Variants in ATAD2B observed in about 807,000 individuals in gnomAD.
The protein encoded by ATAD2B is ATPase family AAA domain containing 2B.
A neutral mutation model predicts 167.6 loss-of-function variants in ATAD2B; 40 were observed. The observed-to-expected ratio is 0.24, with a 90% confidence interval of 0.19 to 0.31. ATAD2B has a LOEUF of 0.31. Among genes scored for constraint, ATAD2B ranks in the 10% least tolerant of loss-of-function variants. The pLI is 1.00. For missense variants in ATAD2B, 1,242 were observed against 1,757.2 expected (o/e 0.71, Z 5.24); for synonymous variants, 579 against 596.5 (o/e 0.97, Z 0.43).
intron 27 of ATAD2B, among the ~76,000 whole-genome samples, chr2:23,753,727 T>A (rs2712066): frequency 0.039 from 5,896 of 152,230 alleles, 108 homozygotes; most frequent in Admixed American, 0.046. Flanking sequence ...TTTTGAGTTA[T>A]CTTCCAACCA....
chr2:23,853,736 TACA>T (rs1692924323), intron 13 of ATAD2B, among the ~76,000 whole-genome samples: 1 of 152,138 alleles, frequency 6.6e-6, no homozygotes, highest in African/African-American at 2.4e-5. Flanking sequence ...AATAGATGAC[TACA>T]ACAATTCTGA....
chr2:23,779,691 G>C (rs1181351966), intron 22 of ATAD2B, among the ~76,000 whole-genome samples: 1 of 148,010 alleles, frequency 6.8e-6, no homozygotes, highest in Non-Finnish European at 1.5e-5. Context: ...CCAACAATCG[G>C]GTATTAGCTG....
intron 1 of ATAD2B, among the ~76,000 whole-genome samples, chr2:23,904,108 A>C (rs1016982105): frequency 1.2e-4 from 19 of 152,286 alleles, no homozygotes; most frequent in African/African-American, 3.9e-4. Context: ...CTCTGAGTTG[A>C]AGTGAGTTAA....
chr2:23,862,336 T>C (rs376117176), intron 12 of ATAD2B, among the ~76,000 whole-genome samples: 1 of 151,978 alleles, frequency 6.6e-6, no homozygotes, highest in Non-Finnish European at 1.5e-5. Flanking sequence ...ATATGCTGCA[T>C]TGCCAAATAT....
chr2:23,788,446 G>T, intron 20 of ATAD2B, 66 bp downstream of exon 20: 1 of 1,521,908 alleles, frequency 6.6e-7, no homozygotes, highest in South Asian at 1.2e-5. Context: ...AAAATAAACT[G>T]ACTCCAAGAA....
intron 17 of ATAD2B, among the ~76,000 whole-genome samples, chr2:23,815,392 A>C (rs1305460156): frequency 6.6e-6 from 1 of 152,186 alleles, no homozygotes; most frequent in Non-Finnish European, 1.5e-5. Context: ...GAAGTTGAGA[A>C]TGATGTCAAA....
chr2:23,818,999 G>A (rs576818020), intron 17 of ATAD2B, among the ~76,000 whole-genome samples: 3 of 152,176 alleles, frequency 2.0e-5, no homozygotes, highest in East Asian at 3.9e-4. Flanking sequence ...TTTCTAAATC[G>A]AAATCTCTTT....
chr2:23,753,876 T>C (rs1301881045), intron 27 of ATAD2B, among the ~76,000 whole-genome samples: 1 of 152,078 alleles, frequency 6.6e-6, no homozygotes, highest in Non-Finnish European at 1.5e-5. Context: ...ACGTCAGTTA[T>C]AAGCAAGTAG....
chr2:23,792,691 G>A (rs938686200), intron 19 of ATAD2B, among the ~76,000 whole-genome samples: 12 of 151,746 alleles, frequency 7.9e-5, no homozygotes, highest in East Asian at 1.9e-4. Context: ...GGCCGGGCAC[G>A]GTGGCTCACA....
chr2:23,757,259 C>A (rs1676060772), intron 25 of ATAD2B, among the ~76,000 whole-genome samples, 159 bp downstream of exon 25: 1 of 152,144 alleles, frequency 6.6e-6, no homozygotes, highest in Non-Finnish European at 1.5e-5. Flanking sequence ...TGTACGTGCA[C>A]ACATGTGTGC....
chr2:23,918,306 G>C (rs1385226518), intron 1 of ATAD2B, among the ~76,000 whole-genome samples: 1 of 151,670 alleles, frequency 6.6e-6, no homozygotes. Context: ...AGGAGGTCAA[G>C]GCTGCAACGA....
At chr2:23,886,445 C>T (rs1406448828) in intron 4 of ATAD2B, among the ~76,000 whole-genome samples, 1 of 151,858 alleles carries the variant, frequency 6.6e-6, no homozygotes, top group Admixed American at 6.6e-5. Flanking sequence ...TGAAAAAATA[C>T]AAATTCAATC....
the ATAD2B span, among the ~76,000 whole-genome samples, chr2:23,724,384 G>A: frequency 1.1e-4 from 17 of 152,092 alleles, no homozygotes; most frequent in East Asian, 3.9e-4. Context: ...CAATGAATAC[G>A]TACAATTATT....
chr2:23,915,556 GGTGTAAACAACCAT>G (rs1336638745), intron 1 of ATAD2B, among the ~76,000 whole-genome samples: 2 of 148,664 alleles, frequency 1.3e-5, no homozygotes, highest in Non-Finnish European at 3.0e-5. Flanking sequence ...TGGGATTACA[GGTGTAAACAACCAT>G]GTCTGACTAC....
chr2:23,904,536 CCTT>C lies in ATAD2B; in HGVS notation c.217-8569_217-8567del, dbSNP rs1313971598. Among the ~76,000 whole-genome samples, 27 of 82,790 alleles carry C rather than the reference CCTT, an allele frequency of 3.3e-4. No individual in the cohort carries two copies. The Admixed American group carries it at 4.0e-3, about 12-fold the overall frequency. The allele number at this position is 82,790 out of a possible 152,430, so 54.3% of individuals were successfully genotyped here. On this transcript the variant is annotated intron_variant, in intron 1 of 27. Transcript: ENST00000238789. ...AGACTTGGAGGAAAGGATTTTCCTT[CCTT>C]TTTTTTTTTTTTTTTCTTTAAGAAA...
chr2:23,845,108 G>A (rs547714949), intron 13 of ATAD2B, among the ~76,000 whole-genome samples: 165 of 152,144 alleles, frequency 1.1e-3, no homozygotes, highest in African/African-American at 3.7e-3. Context: ...AAAAAGTGTC[G>A]ACTTCAAATT....
chr2:23,916,592 A>G (rs538598950), intron 1 of ATAD2B, among the ~76,000 whole-genome samples: 2 of 152,208 alleles, frequency 1.3e-5, no homozygotes, highest in African/African-American at 4.8e-5. Flanking sequence ...TGTCTGGCAC[A>G]TAAGAATAAT....
chr2:23,747,522 T>C (rs765575357), downstream of ATAD2B, among the ~76,000 whole-genome samples: 1 of 152,056 alleles, frequency 6.6e-6, no homozygotes, highest in African/African-American at 2.4e-5. Flanking sequence ...GCAAATATAA[T>C]GCCAACTTTC....
chr2:23,751,974 G>T lies in ATAD2B; in HGVS notation c.*72C>A. 4 of 1,193,448 alleles carry T rather than the reference G, an allele frequency of 3.4e-6. No homozygotes were observed. The highest frequency in any genetic ancestry group is 1.4e-5 in the South Asian group (1 of 73,762). The allele number at this position is 1,193,448 out of a possible 1,614,324, so 73.9% of individuals were successfully genotyped here. A position where few individuals can be genotyped will look rare whatever the true frequency, so the allele number is the denominator to read the frequency against. ...GCTCTGCACATAATTGGTGCAATTT[G>T]AAATTGAATGGCTCAGAAGACTGCT... is the stretch of plus-strand genomic sequence containing the variant. On this transcript the variant is annotated 3_prime_UTR_variant, in exon 28 of 28. Coordinates refer to ENST00000238789, the MANE Select transcript of ATAD2B (RefSeq NM_017552.4).
Sources: allele counts gnomAD v4.1 joint callset (sites outside exome capture counted in the v4.1 genomes callset), GRCh38; gene constraint gnomAD v4.1.1; transcripts MANE v1.5; gene names NCBI Gene and HGNC (gene_info 2026-07-23, HGNC 2026-07-21).